Variants in VPS13B observed in about 807,000 individuals in gnomAD.
VPS13B encodes vacuolar protein sorting 13 homolog B, also known as intermembrane lipid transfer protein VPS13B.
A neutral mutation model predicts 426.4 loss-of-function variants in VPS13B; 285 were observed. The ratio of observed to expected loss-of-function variants is 0.67; its 90% confidence interval spans 0.61 to 0.74. The LOEUF (loss-of-function observed/expected upper bound fraction) is 0.74. Ranked by LOEUF, VPS13B falls within the 30% of genes least tolerant of loss-of-function variation. VPS13B has a pLI of 0.00. For missense variants in VPS13B, 4,537 were observed against 4,782.6 expected (o/e 0.95, Z 1.51); for synonymous variants, 1,676 against 1,676.4 (o/e 1.00, Z 0.01).
chr8:99,835,923 G>T (rs1815369212), intron 54 of VPS13B, among the ~76,000 whole-genome samples, 185 bp downstream of exon 54: 1 of 152,136 alleles, frequency 6.6e-6, no homozygotes, highest in Non-Finnish European at 1.5e-5. Flanking sequence ...GTATGTATCT[G>T]CAAAGTAGAC....
chr8:99,312,545 G>A lies in VPS13B; in HGVS notation c.2824+37291G>A, dbSNP rs536200546. On this transcript the variant is annotated intron_variant, in intron 19 of 61. Transcript: ENST00000357162. The stretch of plus-strand genomic sequence containing the variant: ...ATTTCTGCCAAGAGATCAGCTGTTG[G>A]TCCGATGGGCTTCCCTTTGTGGGTA... Among the ~76,000 whole-genome samples the A allele has an allele frequency of 2.6e-3, 393 of 152,328 alleles. 2 individuals are homozygous for A. The highest frequency in any genetic ancestry group is 0.014 in the Middle Eastern group (4 of 294).
intron 43 of VPS13B, among the ~76,000 whole-genome samples, chr8:99,789,983 A>ATT (rs1208337053): frequency 6.6e-6 from 1 of 152,054 alleles, no homozygotes. Flanking sequence ...AAGAAATTAA[A>ATT]TTTGAGACAT....
At chr8:99,646,869 CGT>C (rs1829600029) in intron 34 of VPS13B, among the ~76,000 whole-genome samples, 1 of 152,064 alleles carries the variant, frequency 6.6e-6, no homozygotes, top group African/African-American at 2.4e-5. Context: ...TGCTTTCTGC[CGT>C]GATCATAGCT....
intron 19 of VPS13B, among the ~76,000 whole-genome samples, chr8:99,350,047 G>A (rs1811791857): frequency 6.6e-6 from 1 of 152,196 alleles, no homozygotes; most frequent in Admixed American, 6.5e-5. Flanking sequence ...CAGAGGTTCT[G>A]TTGGTTTGGA....
chr8:99,096,998 G>C (rs1846463746), intron 4 of VPS13B, among the ~76,000 whole-genome samples: 1 of 152,164 alleles, frequency 6.6e-6, no homozygotes, highest in Admixed American at 6.5e-5. Flanking sequence ...AGAGGAAAGA[G>C]TCTGGAGAAG....
At chr8:99,686,180 C>G (rs1831390570) in intron 35 of VPS13B, among the ~76,000 whole-genome samples, 1 of 152,218 alleles carries the variant, frequency 6.6e-6, no homozygotes, top group South Asian at 2.1e-4. Context: ...GGCAGAGACT[C>G]TTGTTTTCTT....
intron 25 of VPS13B, among the ~76,000 whole-genome samples, chr8:99,494,070 T>G (rs570674701): frequency 2.4e-4 from 37 of 152,232 alleles, no homozygotes; most frequent in African/African-American, 8.9e-4. Flanking sequence ...GCTAAACACA[T>G]GTAATGTGTT....
chr8:99,378,326 G>C (rs1196349103), intron 19 of VPS13B, among the ~76,000 whole-genome samples: 1 of 152,070 alleles, frequency 6.6e-6, no homozygotes, highest in African/African-American at 2.4e-5. Flanking sequence ...CTGTTTTCCT[G>C]TTCTTAAGGT....
chr8:99,707,568 C>T (rs1229310476), intron 36 of VPS13B, among the ~76,000 whole-genome samples: 1 of 152,194 alleles, frequency 6.6e-6, no homozygotes, highest in South Asian at 2.1e-4. Flanking sequence ...TATTAGATAA[C>T]TAACTATACC....
chr8:99,258,306 GC>G (rs1236779741), intron 17 of VPS13B, among the ~76,000 whole-genome samples: 7 of 149,774 alleles, frequency 4.7e-5, no homozygotes, highest in African/African-American at 1.7e-4. Context: ...TCATATTTAT[GC>G]CTTTTTTTTA....
chr8:99,747,506 A>C (rs1448402063), intron 39 of VPS13B, among the ~76,000 whole-genome samples: 1 of 152,048 alleles, frequency 6.6e-6, no homozygotes, highest in Non-Finnish European at 1.5e-5. Flanking sequence ...AGAATCTATA[A>C]TCTTATATTT....
At chr8:99,313,736 C>G (rs1417574237) in intron 19 of VPS13B, among the ~76,000 whole-genome samples, 1 of 152,192 alleles carries the variant, frequency 6.6e-6, no homozygotes, top group Non-Finnish European at 1.5e-5. Flanking sequence ...TTTCTGCTGC[C>G]TTCTGTTTGC....
chr8:99,016,963 G>T (rs1302192003), intron 2 of VPS13B, among the ~76,000 whole-genome samples: 1 of 152,026 alleles, frequency 6.6e-6, no homozygotes, highest in Non-Finnish European at 1.5e-5. Flanking sequence ...TCAGTTTGTG[G>T]CTTGTCTCTT....
chr8:99,255,550 G>A (rs1471413271), intron 17 of VPS13B, among the ~76,000 whole-genome samples: 1 of 152,168 alleles, frequency 6.6e-6, no homozygotes, highest in Non-Finnish European at 1.5e-5. Flanking sequence ...AAGGGAACAT[G>A]CCTCCACTTA....
chr8:99,221,615 T>C (rs1815728113), intron 17 of VPS13B, among the ~76,000 whole-genome samples: 1 of 152,246 alleles, frequency 6.6e-6, no homozygotes. Flanking sequence ...CTAATACTTT[T>C]CAGTCGCGGA....
In VPS13B at chr8:99,065,871, G is replaced by C. The variant is rs147240721; in HGVS notation, c.291+27305G>C. Among the ~76,000 whole-genome samples, 1,196 of 151,608 alleles carry C rather than the reference G, an allele frequency of 7.9e-3. 10 individuals carry two copies. The highest frequency in any genetic ancestry group is 0.013 in the Non-Finnish European group (872 of 67,608). ...TTCCTATACACTAATAACAGACAGA[G>C]AGCCAAATCATGAGTGAACTCCCAT... is the stretch of plus-strand genomic sequence containing the variant. On this transcript the variant is annotated intron_variant, in intron 3 of 61. Coordinates refer to ENST00000357162, the MANE Select transcript of VPS13B (RefSeq NM_152564.5).
intron 33 of VPS13B, among the ~76,000 whole-genome samples, chr8:99,625,622 A>C (rs1310518325): frequency 6.6e-6 from 1 of 152,110 alleles, no homozygotes; most frequent in Non-Finnish European, 1.5e-5. Flanking sequence ...TGGGAAGCTG[A>C]GGCGGGCGAT....
intron 43 of VPS13B, among the ~76,000 whole-genome samples, chr8:99,806,405 AT>A (rs1366414922): frequency 6.6e-6 from 1 of 152,100 alleles, no homozygotes; most frequent in Non-Finnish European, 1.5e-5. Context: ...CTGCTTCCCA[AT>A]GTTTTCTTAA....
intron 39 of VPS13B, among the ~76,000 whole-genome samples, chr8:99,755,415 C>G (rs1810591508): frequency 6.6e-6 from 1 of 152,154 alleles, no homozygotes; most frequent in Non-Finnish European, 1.5e-5. Flanking sequence ...AAATTACAAA[C>G]TTCACAAAAT....
Sources: gnomAD v4.1 joint callset for allele counts (sites outside exome capture counted in the v4.1 genomes callset) on GRCh38, gnomAD v4.1.1 for gene constraint, MANE v1.5 for transcripts, NCBI Gene and HGNC (gene_info 2026-07-23, HGNC 2026-07-21) for gene names.